The following ELP4 variants were observed in gnomAD, a reference collection of about 807,000 sequenced individuals.
The protein encoded by ELP4 is elongator complex protein 4.
Under a neutral mutation model 48.9 loss-of-function variants are expected in ELP4, and 51 were observed. That is an observed-to-expected ratio of 1.04 (90% confidence interval 0.83 to 1.32). The LOEUF is 1.32. Among genes scored for constraint, ELP4 ranks in the 40% most tolerant of loss-of-function variants. The pLI, the probability that ELP4 is intolerant of heterozygous loss-of-function variation, is 0.00. For synonymous variants in ELP4, 210 were observed against 189.2 expected (o/e 1.11, Z -0.90); for missense variants, 519 against 514.6 (o/e 1.01, Z -0.08).
chr11:31,649,920 T>G, intron 8 of ELP4, 195 bp from the exon 9 acceptor site: 1 of 397,792 alleles, frequency 2.5e-6, no homozygotes. Context: ...CACAAGGATT[T>G]CTGTTTATCT....
intron 9 of ELP4, among the ~76,000 whole-genome samples, chr11:31,764,251 G>A (rs1948002323): frequency 6.6e-6 from 1 of 152,176 alleles, no homozygotes; most frequent in South Asian, 2.1e-4. Context: ...AATAGTCTCA[G>A]AGTACATCGT....
rs982542060 is a variant in ELP4, at chr11:31,568,538, G to A, written c.382-26232G>A. Among the ~76,000 whole-genome samples the A allele has an allele frequency of 2.0e-5, 3 of 152,102 alleles. No individual in the cohort carries two copies. In the East Asian group the frequency reaches 5.8e-4, roughly 29 times the overall value. On this transcript the variant is annotated intron_variant, in intron 3 of 9. Coordinates refer to ENST00000640961, the MANE Select transcript of ELP4 (RefSeq NM_019040.5). ...ACCCGACCTCAAACTATACTACAAG[G>A]CTACAGTAACCCAAACAGCATGGTA...
At chr11:31,732,469 TAAA>T (rs34416979) in intron 9 of ELP4, among the ~76,000 whole-genome samples, 1 of 136,628 alleles carries the variant, frequency 7.3e-6, no homozygotes, top group Admixed American at 7.2e-5. Flanking sequence ...AGCATGTCAC[TAAA>T]AAAAAAAAAA....
chr11:31,541,663 T>C (rs1026379736), intron 3 of ELP4, among the ~76,000 whole-genome samples: 1 of 152,236 alleles, frequency 6.6e-6, no homozygotes, highest in Non-Finnish European at 1.5e-5. Flanking sequence ...GTAGCTGATG[T>C]TAAAAATTTG....
intron 3 of ELP4, among the ~76,000 whole-genome samples, chr11:31,574,883 T>C (rs1957247544): frequency 6.6e-6 from 1 of 152,190 alleles, no homozygotes; most frequent in Non-Finnish European, 1.5e-5. Flanking sequence ...CCTCTTCTCC[T>C]CCAAAGGAAT....
intron 9 of ELP4, among the ~76,000 whole-genome samples, chr11:31,734,990 A>C (rs1380082729): frequency 1.3e-5 from 2 of 152,176 alleles, no homozygotes; most frequent in African/African-American, 4.8e-5. Flanking sequence ...AAAACAGTAT[A>C]ATACTGGCAT....
In ELP4 at chr11:31,789,642, T is replaced by G. The variant is rs150518775; in HGVS notation, c.*6118T>G. The G allele has an allele frequency of 1.9e-5, 13 of 698,174 alleles. No individual in the cohort carries two copies. The highest frequency in any genetic ancestry group is 2.3e-4 in the Middle Eastern group (1 of 4,314). 43.2% of individuals were successfully genotyped at this position (698,174 alleles called of 1,614,324 possible). A position where few individuals can be genotyped will look rare whatever the true frequency, so the allele number is the denominator to read the frequency against. On this transcript the variant is annotated 3_prime_UTR_variant, in exon 10 of 10. Coordinates refer to ENST00000640961, the MANE Select transcript of ELP4 (RefSeq NM_019040.5). ...ACATCCATCCAGTCTACATTGTTCT[T>G]TTTTTCATTATAACATACAAATGCC...
At chr11:31,741,630 A>G (rs1315617782) in intron 9 of ELP4, among the ~76,000 whole-genome samples, 1 of 152,230 alleles carries the variant, frequency 6.6e-6, no homozygotes, top group Non-Finnish European at 1.5e-5. Context: ...ATACCCAGGC[A>G]AACAGGGTCT....
intron 9 of ELP4, among the ~76,000 whole-genome samples, chr11:31,760,782 GATTATAAT>G (rs1165189784): frequency 1.3e-5 from 2 of 152,196 alleles, no homozygotes; most frequent in Admixed American, 6.5e-5. Context: ...ATTACGTTAT[GATTATAAT>G]AGCAGAGACC....
intron 9 of ELP4, among the ~76,000 whole-genome samples, chr11:31,771,383 G>A (rs1295579825): frequency 1.3e-5 from 2 of 152,080 alleles, no homozygotes; most frequent in African/African-American, 4.8e-5. Flanking sequence ...GACTTTGTAA[G>A]GATGTGGGTA....
intron 5 of ELP4, among the ~76,000 whole-genome samples, chr11:31,626,556 A>G (rs970426528): frequency 6.6e-6 from 1 of 151,992 alleles, no homozygotes; most frequent in South Asian, 2.1e-4. Context: ...TCTTAAATTC[A>G]TCCATTTATT....
intron 9 of ELP4, among the ~76,000 whole-genome samples, chr11:31,758,125 A>G (rs1294832334): frequency 1.3e-5 from 2 of 152,220 alleles, no homozygotes; most frequent in Non-Finnish European, 2.9e-5. Context: ...TTCAAGTCAA[A>G]CAATGATTAA....
intron 5 of ELP4, among the ~76,000 whole-genome samples, chr11:31,611,175 C>A (rs1006663776): frequency 9.2e-5 from 14 of 152,108 alleles, no homozygotes; most frequent in Non-Finnish European, 1.9e-4. Flanking sequence ...ATAGTACTGT[C>A]CAGTAGAATT....
At chr11:31,612,803 A>G (rs1958006216) in intron 5 of ELP4, among the ~76,000 whole-genome samples, 1 of 152,202 alleles carries the variant, frequency 6.6e-6, no homozygotes, top group African/African-American at 2.4e-5. Flanking sequence ...GGAGCTTGAT[A>G]AAGACAGCAA....
intron 3 of ELP4, among the ~76,000 whole-genome samples, chr11:31,593,104 T>A (rs1957612541): frequency 6.6e-6 from 1 of 152,226 alleles, no homozygotes; most frequent in South Asian, 2.1e-4. Context: ...TGAGGACAAT[T>A]GTTTGACTGA....
intron 2 of ELP4, among the ~76,000 whole-genome samples, chr11:31,522,641 T>C (rs530278837): frequency 6.6e-6 from 1 of 152,310 alleles, no homozygotes; most frequent in African/African-American, 2.4e-5. Context: ...TATGTAAATA[T>C]TCTAGAATAA....
intron 3 of ELP4, among the ~76,000 whole-genome samples, chr11:31,585,171 G>C (rs954445328): frequency 1.3e-5 from 2 of 152,062 alleles, no homozygotes; most frequent in African/African-American, 4.8e-5. Flanking sequence ...TAAATGTATA[G>C]AGTTTGTCAT....
chr11:31,613,072 G>C (rs1958011822), intron 5 of ELP4, among the ~76,000 whole-genome samples: 1 of 152,142 alleles, frequency 6.6e-6, no homozygotes, highest in Non-Finnish European at 1.5e-5. Context: ...GCTTTTATTA[G>C]GGTCTAAGGC....
chr11:31,620,080 G>A (rs1944587765), intron 5 of ELP4, among the ~76,000 whole-genome samples: 1 of 152,028 alleles, frequency 6.6e-6, no homozygotes, highest in African/African-American at 2.4e-5. Flanking sequence ...AAAAGAAAAA[G>A]AGAAAGTATG....
Sources: gnomAD v4.1 joint callset for allele counts (sites outside exome capture counted in the v4.1 genomes callset) on GRCh38, gnomAD v4.1.1 for gene constraint, MANE v1.5 for transcripts, NCBI Gene and HGNC (gene_info 2026-07-23, HGNC 2026-07-21) for gene names.